The following ABCA1 variants were observed in gnomAD, a reference collection of about 807,000 sequenced individuals.
ABCA1 encodes ATP binding cassette subfamily A member 1.
A neutral mutation model predicts 262.5 loss-of-function variants in ABCA1; 133 were observed. That is an observed-to-expected ratio of 0.51 (90% CI 0.44 to 0.59). The LOEUF is 0.59. Ranked by LOEUF, ABCA1 falls within the 20% of genes least tolerant of loss-of-function variation. The probability of loss-of-function intolerance (pLI) is 0.00; values close to 1 mark genes in which losing one functional copy is unlikely to be tolerated. For synonymous variants in ABCA1, 1,022 were observed against 1,043.5 expected (o/e 0.98, Z 0.40); for missense variants, 2,452 against 2,777.5 (o/e 0.88, Z 2.63).
At chr9:104,797,450 CA>C (rs1463874548) in intron 37 of ABCA1, among the ~76,000 whole-genome samples, 13 of 152,266 alleles carry the variant, frequency 8.5e-5, no homozygotes, top group Admixed American at 8.5e-4. Flanking sequence ...GTGCTCCTTC[CA>C]AAATGCAAAA....
At chr9:104,854,698 C>T (rs1350236022) in intron 7 of ABCA1, among the ~76,000 whole-genome samples, 1 of 152,160 alleles carries the variant, frequency 6.6e-6, no homozygotes, top group Non-Finnish European at 1.5e-5. Context: ...AGCAGCAAGA[C>T]AAAAGAAGCC....
At chr9:104,887,848 T>C (rs1839326460) in intron 3 of ABCA1, among the ~76,000 whole-genome samples, 1 of 146,572 alleles carries the variant, frequency 6.8e-6, no homozygotes, top group African/African-American at 2.5e-5. Context: ...TGCCTCAGCC[T>C]CCCCAGTAGC....
chr9:104,844,824 C>G (rs1005237284), intron 8 of ABCA1, among the ~76,000 whole-genome samples: 1 of 152,164 alleles, frequency 6.6e-6, no homozygotes, highest in Non-Finnish European at 1.5e-5. Context: ...TAATTTGAGA[C>G]AAGGCTGGGA....
chr9:104,791,119 T>A, intron 43 of ABCA1, 91 bp from the exon 44 acceptor site: 1 of 841,844 alleles, frequency 1.2e-6, no homozygotes, highest in Non-Finnish European at 2.0e-6. Flanking sequence ...CTTCAATTCT[T>A]AAATATCAGA....
intron 9 of ABCA1, among the ~76,000 whole-genome samples, chr9:104,839,917 A>G (rs967728459): frequency 6.6e-6 from 1 of 152,224 alleles, no homozygotes; most frequent in African/African-American, 2.4e-5. Context: ...TTTCTACCTT[A>G]CATATATTCC....
rs777366534 is a variant in ABCA1 at position 104,821,376 on chromosome 9, T to G, written c.2959A>C (p.Met987Leu). 6.2e-7 allele frequency: 1 copy of G among 1,614,114 alleles called. No homozygotes were observed. The highest frequency in any genetic ancestry group is 1.7e-5 in the Admixed American group (1 of 60,030). Residue 987 changes from methionine (M) to leucine (L), a missense_variant and splice_region_variant, in exon 20 of 50, where the codon ATG becomes CTG. Met to Leu is a conservative substitution (Grantham distance 15, BLOSUM62 2). Around this residue, in one of 4 missense-constraint regions of ABCA1, gnomAD observed 665 missense variants for 727.3 expected, o/e 0.91. Coordinates refer to ENST00000374736, the MANE Select transcript of ABCA1 (RefSeq NM_005502.4). Reference sequence around the variant, plus strand: ...TCTTAACGTGCTGCTGGTACTCACATGTCAAACAGCACGTTATGCTGGGGA... The same window carrying G: ...TCTTAACGTGCTGCTGGTACTCACAGGTCAAACAGCACGTTATGCTGGGGA... ...VCPQHNVLFD[M>L]LTVEEHIWFY...
chr9:104,863,956 G>T (rs1298047701), intron 5 of ABCA1, among the ~76,000 whole-genome samples: 1 of 152,242 alleles, frequency 6.6e-6, no homozygotes, highest in Non-Finnish European at 1.5e-5. Flanking sequence ...GAAATAGTGG[G>T]TCTAGAGTGC....
intron 11 of ABCA1, among the ~76,000 whole-genome samples, chr9:104,834,222 T>C (rs1833596940): frequency 6.7e-6 from 1 of 149,824 alleles, no homozygotes; most frequent in South Asian, 2.2e-4. Context: ...ACAATAACAA[T>C]ATAGCAATAA....
rs138665922 is a variant in ABCA1 at position 104,843,288 on chromosome 9, C to T, written c.813+2189G>A. On this transcript the variant is annotated intron_variant, in intron 8 of 49. Coordinates refer to ENST00000374736, the MANE Select transcript of ABCA1 (RefSeq NM_005502.4). ...CACCTAGCAATGCCAGGCAGCTGGTCGGTGCTGGGTGGACATCTGAGATGC... is the reference window on the plus strand; with the variant it reads ...CACCTAGCAATGCCAGGCAGCTGGTTGGTGCTGGGTGGACATCTGAGATGC... 2.5e-3 allele frequency among the ~76,000 whole-genome samples: 377 copies of T among 152,318 alleles called. 2 individuals are homozygous for T. Among genetic ancestry groups the T allele is most frequent in the African/African-American group, 8.4e-3 (348 of 41,566 alleles).
At chr9:104,789,385 C>T (rs1179173931) in intron 44 of ABCA1, among the ~76,000 whole-genome samples, 1 of 152,156 alleles carries the variant, frequency 6.6e-6, no homozygotes, top group East Asian at 1.9e-4. Context: ...CAGCGCTAGG[C>T]CTGCTATTCC....
chr9:104,832,820 G>A, intron 11 of ABCA1, 49 bp from the exon 12 acceptor site: 1 of 1,569,920 alleles, frequency 6.4e-7, no homozygotes, highest in Non-Finnish European at 8.8e-7. Flanking sequence ...ACTAAATCTT[G>A]AGGAGCACTA....
Position 104,814,286 on chromosome 9 carries a change from C to A in ABCA1, c.3788-55G>T, listed in dbSNP as rs367561180. ...TTATTTTATTTACAACAAAACAAACCTTCCCCATCTGCAACAAACCTACAC... is the reference window on the plus strand; with the variant it reads ...TTATTTTATTTACAACAAAACAAACATTCCCCATCTGCAACAAACCTACAC... On this transcript the variant is annotated intron_variant, in intron 26 of 49. Transcript: ENST00000374736. The A allele has an allele frequency of 2.5e-6, 4 of 1,588,760 alleles. No homozygotes were observed. In the African/African-American group the frequency reaches 5.4e-5, roughly 21 times the overall value.
rs1427055585 is a variant in ABCA1 at position 104,791,171 on chromosome 9, T to C, written c.5821-143A>G. On this transcript the variant is annotated intron_variant, in intron 43 of 49. Transcript: ENST00000374736. ...TCTTGGTTTTAACACATCGTATAGA[T>C]ATTTAAATATGTATTTCATAATGGG... 3 of 608,478 alleles carry C rather than the reference T, an allele frequency of 4.9e-6. No individual in the cohort carries two copies. In the Admixed American group the frequency reaches 8.6e-5, roughly 18 times the overall value. 37.7% of individuals were successfully genotyped at this position (608,478 alleles called of 1,614,324 possible).
At chr9:104,861,825 T>G (rs1836417589) in intron 5 of ABCA1, 25 bp from the exon 6 acceptor site, 1 of 1,603,522 alleles carries the variant, frequency 6.2e-7, no homozygotes, top group Admixed American at 1.7e-5. Flanking sequence ...TGTTTTATTT[T>G]TATTTAGTAA....
At chr9:104,871,251 T>C (rs533025197) in intron 5 of ABCA1, among the ~76,000 whole-genome samples, 15 of 152,272 alleles carry the variant, frequency 9.9e-5, no homozygotes, top group Middle Eastern at 3.4e-3. Context: ...GCCAACACCT[T>C]GATTTTGGAT....
chr9:104,800,449 T>G, intron 35 of ABCA1, 61 bp downstream of exon 35: 1 of 1,522,212 alleles, frequency 6.6e-7, no homozygotes, highest in Non-Finnish European at 9.1e-7. Flanking sequence ...TTGAAAGTAC[T>G]CCAGGAAACA....
At chr9:104,899,558 G>A (rs1029282080) in intron 2 of ABCA1, among the ~76,000 whole-genome samples, 1 of 152,010 alleles carries the variant, frequency 6.6e-6, no homozygotes, top group Non-Finnish European at 1.5e-5. Flanking sequence ...GCCAGGCGTG[G>A]TGCTGTGTGC....
rs373247009 is a variant in ABCA1 at position 104,842,541 on chromosome 9, G to A, written c.814-2022C>T. 1.4e-4 allele frequency among the ~76,000 whole-genome samples: 22 copies of A among 152,120 alleles called. No homozygotes were observed. In the South Asian group the frequency reaches 4.6e-3, roughly 32 times the overall value. ...GACTCTTCCCAGCACCCGTTTCAGG[G>A]GTAAACTCTTACTCTTTCTCCTACA... On this transcript the variant is annotated intron_variant, in intron 8 of 49. Coordinates refer to ENST00000374736, the MANE Select transcript of ABCA1 (RefSeq NM_005502.4).
At chr9:104,785,350 A>G in intron 49 of ABCA1, 46 bp downstream of exon 49, 1 of 1,611,668 alleles carries the variant, frequency 6.2e-7, no homozygotes, top group Non-Finnish European at 8.5e-7. Context: ...TCGGGGCAGG[A>G]ATCCACACCC....
Sources: allele counts gnomAD v4.1 joint callset (sites outside exome capture counted in the v4.1 genomes callset), GRCh38; gene constraint gnomAD v4.1.1; regional missense constraint gnomAD v4.1.1; transcripts MANE v1.5; gene names NCBI Gene and HGNC (gene_info 2026-07-23, HGNC 2026-07-21).